PIERCE2: variants seen among roughly 807,000 people sequenced by gnomAD.
The protein encoded by PIERCE2 is piercer of microtubule wall 2 protein.
chr15:55,416,683 G>A, the PIERCE2 span, among the ~76,000 whole-genome samples: 1 of 151,948 alleles, frequency 6.6e-6, no homozygotes, highest in Non-Finnish European at 1.5e-5. Context: ...CATAGGCTGG[G>A]CGCGGTGGCT....
At chr15:55,418,493 T>A in the PIERCE2 span, 1 of 1,528,570 alleles carries the variant, frequency 6.5e-7, no homozygotes, top group African/African-American at 1.4e-5. Context: ...AACTGGATTT[T>A]ATCAAAATAA....
the PIERCE2 span, among the ~76,000 whole-genome samples, chr15:55,417,157 A>G: frequency 6.6e-6 from 1 of 152,148 alleles, no homozygotes; most frequent in Non-Finnish European, 1.5e-5. Context: ...AAACCCTTCA[A>G]TAGTTTTTCA....
At chr15:55,418,121 GA>G in the PIERCE2 span, 11 of 1,583,204 alleles carry the variant, frequency 6.9e-6, no homozygotes, top group South Asian at 4.7e-5. Flanking sequence ...ATGCCCTCAA[GA>G]GAACAGAATT....
At chr15:55,416,391 G>A in the PIERCE2 span, among the ~76,000 whole-genome samples, 3 of 152,110 alleles carry the variant, frequency 2.0e-5, no homozygotes, top group Non-Finnish European at 4.4e-5. Flanking sequence ...GTGAGCCATT[G>A]CGCCTGGACG....
chr15:55,411,719 C>T, the PIERCE2 span, among the ~76,000 whole-genome samples: 1 of 151,896 alleles, frequency 6.6e-6, no homozygotes, highest in African/African-American at 2.4e-5. Flanking sequence ...GTTGGGAGTT[C>T]GAGACCAACC....
chr15:55,408,511 G>C, the PIERCE2 span: 1 of 341,356 alleles, frequency 2.9e-6, no homozygotes, highest in Non-Finnish European at 5.3e-6. Flanking sequence ...CACAACATCC[G>C]GGAGCCGGCG....
the PIERCE2 span, chr15:55,408,742 C>G: frequency 6.6e-7 from 1 of 1,523,564 alleles, no homozygotes; most frequent in Admixed American, 2.0e-5. Flanking sequence ...CTGACTTTGC[C>G]GAAAAAATTA....
chr15:55,413,665 C>A, the PIERCE2 span, among the ~76,000 whole-genome samples: 3 of 140,870 alleles, frequency 2.1e-5, no homozygotes, highest in African/African-American at 7.7e-5. Context: ...GAGGCTGAGG[C>A]AGGAGAATCG....
chr15:55,412,994 C>T, the PIERCE2 span, among the ~76,000 whole-genome samples: 2 of 152,026 alleles, frequency 1.3e-5, no homozygotes, highest in African/African-American at 2.4e-5. Context: ...TAAGGCTGGG[C>T]GCGGTGGTGC....
At chr15:55,411,830 A>G in the PIERCE2 span, among the ~76,000 whole-genome samples, 1 of 152,138 alleles carries the variant, frequency 6.6e-6, no homozygotes, top group Non-Finnish European at 1.5e-5. Context: ...CTGAGGCAGG[A>G]GAATGGCTTG....
the PIERCE2 span, among the ~76,000 whole-genome samples, chr15:55,414,642 GT>G: frequency 1.3e-5 from 2 of 152,082 alleles, no homozygotes; most frequent in Non-Finnish European, 2.9e-5. Context: ...ATTTTTGGAG[GT>G]TGAGGCGGGT....
the PIERCE2 span, among the ~76,000 whole-genome samples, chr15:55,409,203 C>G: frequency 2.0e-5 from 3 of 152,034 alleles, no homozygotes; most frequent in Admixed American, 1.3e-4. Flanking sequence ...GTCAGGAGTT[C>G]GAGACCAGCC....
the PIERCE2 span, among the ~76,000 whole-genome samples, chr15:55,409,624 C>T: frequency 6.6e-6 from 1 of 152,120 alleles, no homozygotes; most frequent in African/African-American, 2.4e-5. Flanking sequence ...TTTCTATTAA[C>T]TATATTCAAC....
At chr15:55,417,992 A>G in the PIERCE2 span, 3 of 764,252 alleles carry the variant, frequency 3.9e-6, no homozygotes, top group Non-Finnish European at 6.3e-6. Context: ...CAGTTAAGGC[A>G]GGAACCGGCC....
At chr15:55,417,547 C>G in the PIERCE2 span, among the ~76,000 whole-genome samples, 1 of 152,196 alleles carries the variant, frequency 6.6e-6, no homozygotes, top group Admixed American at 6.5e-5. Context: ...CTTTCTCACT[C>G]TAAAATCAAG....
At chr15:55,417,971 G>T in the PIERCE2 span, 4 of 652,790 alleles carry the variant, frequency 6.1e-6, no homozygotes, top group Non-Finnish European at 1.0e-5. Context: ...AATTTCACAA[G>T]GTAATGTCAT....
the PIERCE2 span, among the ~76,000 whole-genome samples, chr15:55,412,439 G>A: frequency 6.6e-6 from 1 of 152,162 alleles, no homozygotes; most frequent in African/African-American, 2.4e-5. Flanking sequence ...AGATCTGAGA[G>A]GTCAAATAAT....
At chr15:55,416,684 C>T in the PIERCE2 span, among the ~76,000 whole-genome samples, 44 of 152,054 alleles carry the variant, frequency 2.9e-4, no homozygotes, top group Middle Eastern at 3.4e-3. Context: ...ATAGGCTGGG[C>T]GCGGTGGCTC....
chr15:55,413,760 C>CA, the PIERCE2 span, among the ~76,000 whole-genome samples: 48,438 of 110,552 alleles, frequency 0.44, 12,591 homozygotes, highest in East Asian at 0.89. Flanking sequence ...AACTCCGTTT[C>CA]AAAAAAAAAA....
Sources: gnomAD v4.1 joint callset for allele counts (sites outside exome capture counted in the v4.1 genomes callset) on GRCh38, gnomAD v4.1.1 for gene constraint, MANE v1.5 for transcripts, NCBI Gene and HGNC (gene_info 2026-07-23, HGNC 2026-07-21) for gene names.